GAN: variants seen among roughly 807,000 people sequenced by gnomAD.
GAN encodes epididymis secretory sperm binding protein.
Under a neutral mutation model 71.3 loss-of-function variants are expected in GAN, and 48 were observed. The ratio of observed to expected loss-of-function variants is 0.67; its 90% confidence interval spans 0.53 to 0.86. The LOEUF (loss-of-function observed/expected upper bound fraction) is 0.86, where lower values mean the gene tolerates loss of function less well. GAN is among the 40% of genes least tolerant of loss of function. The pLI is 0.00. For missense variants in GAN, 928 were observed against 770.1 expected (o/e 1.21, Z -2.43); for synonymous variants, 386 against 276.8 (o/e 1.39, Z -3.92).
chr16:81,360,178 C>G (rs973404593), intron 5 of GAN, among the ~76,000 whole-genome samples: 1 of 152,134 alleles, frequency 6.6e-6, no homozygotes, highest in Non-Finnish European at 1.5e-5. Flanking sequence ...CTTCTTAACT[C>G]CTCAGACTTT....
At chr16:81,342,834 C>T (rs932907073) in intron 1 of GAN, among the ~76,000 whole-genome samples, 2 of 152,070 alleles carry the variant, frequency 1.3e-5, no homozygotes, top group Non-Finnish European at 2.9e-5. Flanking sequence ...TCAATGAATC[C>T]AGGAACTGGT....
At chr16:81,369,421 G>A (rs714066) in intron 9 of GAN, among the ~76,000 whole-genome samples, 1 of 152,170 alleles carries the variant, frequency 6.6e-6, no homozygotes, top group African/African-American at 2.4e-5. Context: ...AATTCACCTA[G>A]AAAAAGTAGA....
intron 7 of GAN, 52 bp downstream of exon 7, chr16:81,363,995 C>G (rs767994910): frequency 2.3e-6 from 3 of 1,282,938 alleles, no homozygotes; most frequent in African/African-American, 1.5e-5. Context: ...GGATTTTAAA[C>G]TTAATGTGTC....
At chr16:81,366,765 A>G (rs1176071307) in intron 9 of GAN, among the ~76,000 whole-genome samples, 1 of 152,034 alleles carries the variant, frequency 6.6e-6, no homozygotes, top group African/African-American at 2.4e-5. Context: ...ACTTCTCTAC[A>G]TTTTTCCTTC....
At chr16:81,353,347 C>T (rs908906805) in intron 2 of GAN, among the ~76,000 whole-genome samples, 3 of 150,480 alleles carry the variant, frequency 2.0e-5, no homozygotes, top group African/African-American at 4.9e-5. Context: ...CCTGAATTGG[C>T]AGTTTTGTTT....
At position 81,360,344 on chromosome 16, in the gene GAN, G is replaced by C. The variant is rs560716666; in HGVS notation, c.974-2155G>C. Among the ~76,000 whole-genome samples, 37 of 152,228 alleles carry C rather than the reference G, an allele frequency of 2.4e-4. No individual in the cohort carries two copies. In the South Asian group the frequency reaches 7.1e-3, roughly 29 times the overall value. ...TATTTTTGCTGAGTATAGCATTTCA[G>C]CTTTGGTATTTATCATTTTTCAGCA... On this transcript the variant is annotated intron_variant, in intron 5 of 10. Transcript: ENST00000648994.
At chr16:81,370,797 T>C (rs890151442) in intron 9 of GAN, among the ~76,000 whole-genome samples, 1 of 152,270 alleles carries the variant, frequency 6.6e-6, no homozygotes, top group African/African-American at 2.4e-5. Context: ...TTCTGTTTCA[T>C]TGATTCCTAC....
chr16:81,363,135 CA>C, intron 6 of GAN, among the ~76,000 whole-genome samples: 1 of 152,328 alleles, frequency 6.6e-6, no homozygotes, highest in Non-Finnish European at 1.5e-5. Context: ...TCTATGATCC[CA>C]AATAGCCTTG....
chr16:81,327,535 A>G (rs1201744794), intron 1 of GAN, among the ~76,000 whole-genome samples: 1 of 151,866 alleles, frequency 6.6e-6, no homozygotes, highest in East Asian at 1.9e-4. Context: ...AAAGACAAGT[A>G]CAAAGACAAT....
Position 81,377,560 on chromosome 16 carries a change from G to T in GAN, c.1758G>T (p.Gln586His), listed in dbSNP as rs754005744. The change falls in exon 11 of 11, where the codon CAG becomes CAT. Residue 586 changes from glutamine (Q) to histidine (H), a missense_variant. By Grantham distance (24) the Gln-to-His change is conservative. Coordinates refer to ENST00000648994, the MANE Select transcript of GAN (RefSeq NM_022041.4). ...GCAAGCTTTTCCGCCTGCAGCTTCAGCAAGGCTTATTCCGTATTCGTGTTC... is the reference window on the plus strand; with the variant it reads ...GCAAGCTTTTCCGCCTGCAGCTTCATCAAGGCTTATTCCGTATTCGTGTTC... ...ANCKLFRLQL[Q>H]QGLFRIRVHS... 6.2e-7 allele frequency: 1 copy of T among 1,614,204 alleles called. No individual in the cohort carries two copies. The highest frequency in any genetic ancestry group is 1.3e-5 in the African/African-American group (1 of 75,064).
intron 6 of GAN, 62 bp from the exon 7 acceptor site, chr16:81,363,728 TATGA>T: frequency 6.1e-6 from 9 of 1,479,470 alleles, no homozygotes; most frequent in African/African-American, 1.4e-5. Flanking sequence ...TTATTAAGTG[TATGA>T]ATATCAGCTT....
rs1910505257 is a variant in GAN at position 81,356,896 on chromosome 16, AGCAATATACC to A, written c.748_757del (p.Asn250SerfsTer24). 1.2e-6 allele frequency: 2 copies of A among 1,613,812 alleles called. No homozygotes were observed. The highest frequency in any genetic ancestry group is 2.7e-5 in the African/African-American group (2 of 74,910). On this transcript the variant is annotated frameshift_variant, in exon 4 of 11. Transcript: ENST00000648994. LOFTEE classifies it high-confidence loss of function. ...AGTACGAGAAATTGTCAAAGAGTGT[AGCAATATACC>A]GCTCAGCCAGCCGCAGCAAGGGGAG...
At chr16:81,358,619 G>GA (rs200578036) in intron 5 of GAN, among the ~76,000 whole-genome samples, 3,150 of 149,094 alleles carry the variant, frequency 0.021, 53 homozygotes, top group East Asian at 0.082. Context: ...AAAAAAAAAA[G>GA]AAAAAAAAAG....
At chr16:81,357,970 A>C in intron 5 of GAN, 39 bp downstream of exon 5, 1 of 1,555,040 alleles carries the variant, frequency 6.4e-7, no homozygotes, top group South Asian at 1.1e-5. Context: ...ACAGCAGATC[A>C]AGTAATGTGT....
chr16:81,361,444 G>A (rs1489352613), intron 5 of GAN, among the ~76,000 whole-genome samples: 1 of 152,162 alleles, frequency 6.6e-6, no homozygotes, highest in Non-Finnish European at 1.5e-5. Context: ...ATCTGAGTAC[G>A]AATTCTGGTT....
intron 3 of GAN, among the ~76,000 whole-genome samples, chr16:81,355,847 C>G (rs564199318): frequency 1.3e-5 from 2 of 152,110 alleles, no homozygotes; most frequent in African/African-American, 4.8e-5. Context: ...TTTTTGAATT[C>G]TGTAAGCCCA....
rs369744838 is a variant in GAN at position 81,364,948 on chromosome 16, C to T, written c.1237-26C>T. 1.9e-5 allele frequency: 30 copies of T among 1,612,002 alleles called. No homozygotes were observed. In the African/African-American group the frequency reaches 3.7e-4, roughly 20 times the overall value. Reference sequence around the variant, plus strand: ...GACCTGAATGAGAAATGTTGCCTCTCCCCCACCATTGTTCTCTGCTTTCAG... The same window carrying T: ...GACCTGAATGAGAAATGTTGCCTCTTCCCCACCATTGTTCTCTGCTTTCAG... On this transcript the variant is annotated intron_variant, in intron 7 of 10. Coordinates refer to ENST00000648994, the MANE Select transcript of GAN (RefSeq NM_022041.4).
intron 3 of GAN, 126 bp from the exon 4 acceptor site, chr16:81,356,659 C>T: frequency 1.3e-6 from 1 of 775,924 alleles, no homozygotes; most frequent in South Asian, 1.4e-5. Flanking sequence ...ACGAGTGTGT[C>T]TCACTTGCCT....
At chr16:81,373,313 C>T (rs905828686) in intron 9 of GAN, among the ~76,000 whole-genome samples, 33 of 152,178 alleles carry the variant, frequency 2.2e-4, no homozygotes, top group Non-Finnish European at 3.2e-4. Flanking sequence ...TCCCAAGGTC[C>T]TCCTGAAGTC....
Sources: allele counts gnomAD v4.1 joint callset (sites outside exome capture counted in the v4.1 genomes callset), GRCh38; gene constraint gnomAD v4.1.1; transcripts MANE v1.5; gene names NCBI Gene and HGNC (gene_info 2026-07-23, HGNC 2026-07-21).